Variants in UHRF2 observed in about 807,000 individuals in gnomAD.
UHRF2 encodes the protein ubiquitin like with PHD and ring finger domains 2.
Under a neutral mutation model 96.8 loss-of-function variants are expected in UHRF2, and 23 were observed. That is an observed-to-expected ratio of 0.24 (90% CI 0.17 to 0.34). The LOEUF (loss-of-function observed/expected upper bound fraction) is 0.34. Among genes scored for constraint, UHRF2 ranks in the 10% least tolerant of loss-of-function variants. The pLI, the probability that UHRF2 is intolerant of heterozygous loss-of-function variation, is 1.00. For synonymous variants in UHRF2, 385 were observed against 332.6 expected, an observed-to-expected ratio of 1.16 and a Z score of -1.72; for missense variants, 685 against 981.5, an observed-to-expected ratio of 0.70 and a Z score of 4.04.
At chr9:6,426,574 A>G (rs1191558759) in intron 2 of UHRF2, among the ~76,000 whole-genome samples, 2 of 152,178 alleles carry the variant, frequency 1.3e-5, no homozygotes, top group Admixed American at 6.5e-5. Flanking sequence ...TGGTGCCTTT[A>G]TATTTTTCAG....
chr9:6,437,424 G>T (rs1459268037), intron 3 of UHRF2, among the ~76,000 whole-genome samples: 1 of 151,974 alleles, frequency 6.6e-6, no homozygotes, highest in Non-Finnish European at 1.5e-5. Context: ...GTAGATACGG[G>T]GTTTCACCGT....
chr9:6,441,452 A>T (rs1821156521), intron 3 of UHRF2, among the ~76,000 whole-genome samples: 1 of 152,040 alleles, frequency 6.6e-6, no homozygotes, highest in African/African-American at 2.4e-5. Flanking sequence ...CTCCAGGCAT[A>T]TGATGAATCA....
intron 4 of UHRF2, among the ~76,000 whole-genome samples, chr9:6,466,511 G>A (rs1267882586): frequency 7.3e-6 from 1 of 136,186 alleles, no homozygotes; most frequent in East Asian, 2.4e-4. Flanking sequence ...CTGTACTCCA[G>A]CCTGGGTGAC....
At chr9:6,413,820 G>T in intron 1 of UHRF2, 177 bp downstream of exon 1, 1 of 761,464 alleles carries the variant, frequency 1.3e-6, no homozygotes, top group East Asian at 3.5e-5. Flanking sequence ...GAATGGTGGG[G>T]AGTGGGTCCC....
In UHRF2 at chr9:6,498,125, A is replaced by C; in HGVS notation, c.1875A>C (p.Ile625=). Residue 625 remains isoleucine (I), a synonymous_variant, in exon 12 of 16, where the codon ATA becomes ATC. Transcript: ENST00000276893. ...VEPAPWTSEG[I]ERSRRLCLRL... ...CTGCTCCTTGGACCTCTGAAGGAATAGAACGGTCAAGGAGATTATGTCTAC... is the reference window on the plus strand; with the variant it reads ...CTGCTCCTTGGACCTCTGAAGGAATCGAACGGTCAAGGAGATTATGTCTAC... 1 of 1,613,982 alleles carries C rather than the reference A, an allele frequency of 6.2e-7. No individual in the cohort carries two copies. Among genetic ancestry groups the C allele is most frequent in the East Asian group, 2.2e-5 (1 of 44,870 alleles).
At chr9:6,504,076 A>G (rs926620354) in intron 14 of UHRF2, among the ~76,000 whole-genome samples, 5 of 121,510 alleles carry the variant, frequency 4.1e-5, no homozygotes, top group African/African-American at 1.7e-4. Context: ...CCCAGGCTGG[A>G]GTGCAGTGGC....
chr9:6,495,810 A>T (rs1406095312), intron 10 of UHRF2: 2 of 152,234 alleles, frequency 1.3e-5, no homozygotes, highest in Non-Finnish European at 2.9e-5. Context: ...GGCAGTAATT[A>T]TGACTGAAGG....
chr9:6,505,869 C>G (rs1816554379), intron 15 of UHRF2, among the ~76,000 whole-genome samples, 164 bp from the exon 16 acceptor site: 2 of 152,200 alleles, frequency 1.3e-5, no homozygotes, highest in African/African-American at 4.8e-5. Flanking sequence ...AAACTAAAGC[C>G]ATGACTGTAG....
At chr9:6,480,297 C>G (rs952860966) in intron 6 of UHRF2, among the ~76,000 whole-genome samples, 1 of 152,222 alleles carries the variant, frequency 6.6e-6, no homozygotes, top group Non-Finnish European at 1.5e-5. Flanking sequence ...CCACTTAACA[C>G]TTTCTGAAAT....
At chr9:6,449,367 G>T (rs990425521) in intron 3 of UHRF2, 10 of 152,314 alleles carry the variant, frequency 6.6e-5, no homozygotes, top group African/African-American at 2.4e-4. Flanking sequence ...TGTTGTCAGA[G>T]TTGAACAGCA....
At chr9:6,500,926 A>G (rs1477051931) in intron 14 of UHRF2, among the ~76,000 whole-genome samples, 3 of 152,212 alleles carry the variant, frequency 2.0e-5, no homozygotes, top group South Asian at 4.1e-4. Flanking sequence ...TGACTTCTCT[A>G]TGCCCAAAGT....
intron 4 of UHRF2, among the ~76,000 whole-genome samples, chr9:6,461,386 T>TCCC (rs1822530708): frequency 2.0e-5 from 2 of 98,362 alleles, no homozygotes; most frequent in African/African-American, 8.9e-5. Context: ...CCTCCTTCTC[T>TCCC]CCTCCCCCCC....
rs534194466 is a variant in UHRF2, at chr9:6,449,850, T to C, written c.645-10723T>C. Among the ~76,000 whole-genome samples, 3 of 152,332 alleles carry C rather than the reference T, an allele frequency of 2.0e-5. No homozygotes were observed. In the East Asian group the frequency reaches 5.8e-4, roughly 29 times the overall value. ...CTAGCAGACAATATTTCCCATGTGT[T>C]GTCACAGTTGGTTGTTGGAGGCATT... On this transcript the variant is annotated intron_variant, in intron 3 of 15. Transcript: ENST00000276893.
intron 14 of UHRF2, among the ~76,000 whole-genome samples, chr9:6,503,466 G>A (rs1816405231): frequency 6.6e-6 from 1 of 151,584 alleles, no homozygotes; most frequent in African/African-American, 2.4e-5. Context: ...AAGAATACAG[G>A]GTATCCATTT....
At chr9:6,475,523 T>G (rs1823513536) in intron 5 of UHRF2, 23 bp downstream of exon 5, 2 of 1,449,676 alleles carry the variant, frequency 1.4e-6, no homozygotes, top group South Asian at 2.5e-5. Flanking sequence ...GTTTTTGGTC[T>G]TAGACTACAT....
At position 6,455,023 on chromosome 9, in the gene UHRF2, A is replaced by G. The variant is rs969597437; in HGVS notation, c.645-5550A>G. 4.7e-4 allele frequency among the ~76,000 whole-genome samples: 72 copies of G among 152,246 alleles called. 1 individual carries two copies. Among genetic ancestry groups the G allele is most frequent in the African/African-American group, 1.5e-3 (64 of 41,464 alleles). On this transcript the variant is annotated intron_variant, in intron 3 of 15. Transcript: ENST00000276893. ...ACCATACTTTGAGAACCACTGCTGT[A>G]GTAGCCTGGCCTACCTTTGATAGAT...
chr9:6,452,398 A>G (rs1277795680), intron 3 of UHRF2, among the ~76,000 whole-genome samples: 1 of 152,228 alleles, frequency 6.6e-6, no homozygotes, highest in Non-Finnish European at 1.5e-5. Flanking sequence ...ACCACTTTGT[A>G]TTTGTCAGCA....
At chr9:6,446,566 G>T (rs1821518672) in intron 3 of UHRF2, among the ~76,000 whole-genome samples, 1 of 151,630 alleles carries the variant, frequency 6.6e-6, no homozygotes, top group Admixed American at 6.6e-5. Flanking sequence ...ATAATACTTA[G>T]ATCTGGGCAC....
chr9:6,500,472 G>T, intron 13 of UHRF2, 80 bp from the exon 14 acceptor site: 1 of 1,219,462 alleles, frequency 8.2e-7, no homozygotes, highest in Non-Finnish European at 1.1e-6. Flanking sequence ...AACATTACTT[G>T]TGCCAGTTAA....
Sources: allele counts gnomAD v4.1 joint callset (sites outside exome capture counted in the v4.1 genomes callset), GRCh38; gene constraint gnomAD v4.1.1; transcripts MANE v1.5; gene names NCBI Gene and HGNC (gene_info 2026-07-23, HGNC 2026-07-21).